Variants in GOLGA5 observed in about 807,000 individuals in gnomAD.
GOLGA5 encodes golgin subfamily A member 5.
In GOLGA5, 50 loss-of-function variants were observed where a neutral mutation model predicts 93.5. The observed-to-expected ratio is 0.53, with a 90% CI of 0.43 to 0.68. The LOEUF (loss-of-function observed/expected upper bound fraction) is 0.68. Ranked by LOEUF, GOLGA5 falls within the 30% of genes least tolerant of loss-of-function variation. The pLI is 0.00. For missense variants in GOLGA5, 760 were observed against 856.4 expected (o/e 0.89, Z 1.40); for synonymous variants, 312 against 304.5 (o/e 1.02, Z -0.26).
intron 6 of GOLGA5, 49 bp downstream of exon 6, chr14:92,811,803 G>A: frequency 7.5e-7 from 1 of 1,336,632 alleles, no homozygotes. Flanking sequence ...CAAGTTAACT[G>A]AAAGGCAATT....
At chr14:92,801,961 A>G (rs1233988607) in intron 2 of GOLGA5, among the ~76,000 whole-genome samples, 1 of 152,182 alleles carries the variant, frequency 6.6e-6, no homozygotes, top group Non-Finnish European at 1.5e-5. Flanking sequence ...CTGATAGGGT[A>G]GCTTCTTCCA....
At chr14:92,837,473 CAA>C (rs1566962681) in intron 12 of GOLGA5, 24 bp downstream of exon 12, 2 of 954,734 alleles carry the variant, frequency 2.1e-6, no homozygotes, top group African/African-American at 1.7e-5. Context: ...TTTGAAAAAA[CAA>C]TGATGCACTT....
At chr14:92,828,273 TTTAAG>T (rs1885461421) in intron 9 of GOLGA5, among the ~76,000 whole-genome samples, 1 of 152,188 alleles carries the variant, frequency 6.6e-6, no homozygotes, top group Non-Finnish European at 1.5e-5. Flanking sequence ...TGCTGGTGAC[TTTAAG>T]TTAAAGCCAG....
chr14:92,837,498 G>GT (rs557995443), intron 12 of GOLGA5, 49 bp downstream of exon 12: 5,905 of 630,140 alleles, frequency 9.4e-3, no homozygotes, highest in Non-Finnish European at 0.012. Flanking sequence ...TTTTTAACTA[G>GT]TTTTTTTTTT....
chr14:92,794,893 A>ACT (rs10680215), intron 1 of GOLGA5, among the ~76,000 whole-genome samples: 112,542 of 151,834 alleles, frequency 0.74, 42,151 homozygotes, highest in East Asian at 0.85. Context: ...CATCCCACGC[A>ACT]CTCTCTGCCC....
rs1233099999 is a variant in GOLGA5 at position 92,803,264 on chromosome 14, G to T, written c.545-3472G>T. On this transcript the variant is annotated intron_variant, in intron 2 of 12. Transcript: ENST00000163416. ...ATTGCCAGGCTAGTCTTGAACTCCTGAGCTGAAGGGATCCTCCTGTGTTGG... is the reference window on the plus strand; with the variant it reads ...ATTGCCAGGCTAGTCTTGAACTCCTTAGCTGAAGGGATCCTCCTGTGTTGG... Among the ~76,000 whole-genome samples, 135 of 152,242 alleles carry T rather than the reference G, an allele frequency of 8.9e-4. 2 individuals are homozygous for T. Among genetic ancestry groups the T allele is most frequent in the Admixed American group, 8.8e-3 (135 of 15,290 alleles).
intron 6 of GOLGA5, among the ~76,000 whole-genome samples, chr14:92,815,597 G>A (rs1441621251): frequency 6.6e-6 from 1 of 152,082 alleles, no homozygotes; most frequent in Non-Finnish European, 1.5e-5. Flanking sequence ...AGCACTTTGG[G>A]AGGCTGAGGC....
At chr14:92,801,852 G>A (rs1305628210) in intron 2 of GOLGA5, among the ~76,000 whole-genome samples, 1 of 150,944 alleles carries the variant, frequency 6.6e-6, no homozygotes, top group African/African-American at 2.4e-5. Context: ...ATTCATTAGT[G>A]TGTTTCTGGC....
intron 2 of GOLGA5, among the ~76,000 whole-genome samples, 164 bp downstream of exon 2, chr14:92,798,145 A>G (rs1488512138): frequency 1.3e-5 from 2 of 152,184 alleles, no homozygotes; most frequent in African/African-American, 4.8e-5. Flanking sequence ...ATCATTGACT[A>G]CTATTAGTCA....
At chr14:92,812,283 T>C (rs1300608930) in intron 6 of GOLGA5, among the ~76,000 whole-genome samples, 2 of 152,220 alleles carry the variant, frequency 1.3e-5, no homozygotes, top group Admixed American at 6.5e-5. Flanking sequence ...TGTGCATTGA[T>C]TCCATCTCCC....
chr14:92,830,339 C>T (rs920995292), intron 9 of GOLGA5, among the ~76,000 whole-genome samples: 5 of 151,848 alleles, frequency 3.3e-5, no homozygotes, highest in African/African-American at 4.8e-5. Context: ...CAAGCTTGTC[C>T]GACCCATAGT....
rs371863531 is a variant in GOLGA5 at position 92,837,071 on chromosome 14, C to CA, written c.2052-301dup. On this transcript the variant is annotated intron_variant, in intron 11 of 12. Transcript: ENST00000163416. ...GGGCGACAGGAGAGAAACTCCGTCTCAAAAAAAAAAAAAATTAGGGATCAA... is the reference window on the plus strand; with the variant it reads ...GGGCGACAGGAGAGAAACTCCGTCTCAAAAAAAAAAAAAAATTAGGGATCAA... Among the ~76,000 whole-genome samples the CA allele has an allele frequency of 9.6e-3, 1,240 of 128,790 alleles. 12 individuals carry two copies. Among genetic ancestry groups the CA allele is most frequent in the African/African-American group, 0.027 (956 of 34,830 alleles). 84.5% of individuals were successfully genotyped at this position (128,790 alleles called of 152,430 possible). A position where few individuals can be genotyped will look rare whatever the true frequency, so the allele number is the denominator to read the frequency against.
At position 92,825,613 on chromosome 14, in the gene GOLGA5, C is replaced by T. The variant is rs148465154; in HGVS notation, c.1719+969C>T. Among the ~76,000 whole-genome samples the T allele has an allele frequency of 5.9e-3, 900 of 152,282 alleles. 5 individuals are homozygous for T. The highest frequency in any genetic ancestry group is 9.7e-3 in the Non-Finnish European group (659 of 68,022). ...AGGTAGTTCATGCTTGAAATCCCAA[C>T]ACTTTGGGAGACCGAGGCAGGAGGA... On this transcript the variant is annotated intron_variant, in intron 9 of 12. Coordinates refer to ENST00000163416, the MANE Select transcript of GOLGA5 (RefSeq NM_005113.4).
intron 9 of GOLGA5, among the ~76,000 whole-genome samples, chr14:92,828,969 GT>G (rs1885474723): frequency 6.6e-6 from 1 of 151,564 alleles, no homozygotes; most frequent in Non-Finnish European, 1.5e-5. Flanking sequence ...CGCCTAGCCA[GT>G]TAATTTATTT....
At chr14:92,795,114 T>G (rs1884696631) in intron 1 of GOLGA5, among the ~76,000 whole-genome samples, 3 of 152,212 alleles carry the variant, frequency 2.0e-5, no homozygotes, top group African/African-American at 4.8e-5. Context: ...TTTTATTACT[T>G]TTTTTGTAGA....
At chr14:92,817,184 G>T (rs1436103868) in intron 7 of GOLGA5, among the ~76,000 whole-genome samples, 1 of 151,922 alleles carries the variant, frequency 6.6e-6, no homozygotes, top group African/African-American at 2.4e-5. Context: ...CAAGTGATCC[G>T]CCCACCTCGG....
At chr14:92,802,012 A>G (rs942289838) in intron 2 of GOLGA5, among the ~76,000 whole-genome samples, 3 of 151,996 alleles carry the variant, frequency 2.0e-5, no homozygotes, top group Non-Finnish European at 4.4e-5. Flanking sequence ...CTGTTCATGG[A>G]CCTTTCCACT....
At position 92,839,814 on chromosome 14, in the gene GOLGA5, AGT is replaced by A. The variant is rs1885721630; in HGVS notation, c.*369_*370del. The A allele has an allele frequency of 7.3e-6, 1 of 137,038 alleles. No homozygotes were observed. The highest frequency in any genetic ancestry group is 1.2e-5 in the Non-Finnish European group (1 of 86,142). The allele number at this position is 137,038 out of a possible 1,614,324, so 8.5% of individuals were successfully genotyped here. On this transcript the variant is annotated 3_prime_UTR_variant, in exon 13 of 13. Coordinates refer to ENST00000163416, the MANE Select transcript of GOLGA5 (RefSeq NM_005113.4). Reference sequence around the variant, plus strand: ...ATTGTATTTAGTGACAAAAATAAAAAGTTTTTTTTTATAATTCAGTCTGCTTT... The same window carrying A: ...ATTGTATTTAGTGACAAAAATAAAAATTTTTTTTATAATTCAGTCTGCTTT...
chr14:92,838,534 A>C (rs1885694076), intron 12 of GOLGA5, among the ~76,000 whole-genome samples: 1 of 151,936 alleles, frequency 6.6e-6, no homozygotes, highest in Non-Finnish European at 1.5e-5. Flanking sequence ...CACCTAGCGA[A>C]TTTTTCTGTG....
Sources: gnomAD v4.1 joint callset for allele counts (sites outside exome capture counted in the v4.1 genomes callset) on GRCh38, gnomAD v4.1.1 for gene constraint, MANE v1.5 for transcripts, NCBI Gene and HGNC (gene_info 2026-07-23, HGNC 2026-07-21) for gene names.